Variants in SAMD4B observed in about 807,000 individuals in gnomAD.
SAMD4B encodes sterile alpha motif domain containing 4B, also known as protein Smaug homolog 2.
SAMD4B carries 5 observed loss-of-function variants against 74.5 expected under a neutral mutation model. That is an observed-to-expected ratio of 0.07 (90% CI 0.04 to 0.14). The LOEUF is 0.14. Ranked by LOEUF, SAMD4B falls within the 10% of genes least tolerant of loss-of-function variation. The probability of loss-of-function intolerance (pLI) is 1.00; values close to 1 mark genes in which losing one functional copy is unlikely to be tolerated. For missense variants in SAMD4B, 608 were observed against 921.8 expected (o/e 0.66, Z 4.41); for synonymous variants, 373 against 374.9 (o/e 1.00, Z 0.06).
chr19:39,390,075 TGGTCGAAGGGGTAGGTGATGAACTTGG>T, downstream of SAMD4B: 1 of 1,612,224 alleles, frequency 6.2e-7, no homozygotes, highest in Non-Finnish European at 8.5e-7. Flanking sequence ...TCACCTGTTC[TGGTCGAAGGGGTAGGTGATGAACTTGG>T]GGTCGAAGGG....
intron 6 of SAMD4B, 21 bp from the exon 7 acceptor site, chr19:39,376,684 C>T: frequency 1.2e-6 from 2 of 1,610,672 alleles, no homozygotes; most frequent in South Asian, 1.1e-5. Context: ...AGCTTCCTGT[C>T]CCCTTCTGCC....
chr19:39,390,718 T>C, the SAMD4B span: 1 of 1,282,342 alleles, frequency 7.8e-7, no homozygotes, highest in East Asian at 2.5e-5. Flanking sequence ...AGGTGAGCGC[T>C]TCATGACGTC....
At chr19:39,382,020 C>T (rs1219581638) in intron 12 of SAMD4B, among the ~76,000 whole-genome samples, 4 of 152,210 alleles carry the variant, frequency 2.6e-5, no homozygotes, top group Non-Finnish European at 5.9e-5. Flanking sequence ...GGGTTGACTC[C>T]TCCACACGGT....
At chr19:39,390,026 A>G (rs2078340013), downstream of SAMD4B, 1 of 1,492,366 alleles carries the variant, frequency 6.7e-7, no homozygotes, top group Non-Finnish European at 9.3e-7. Flanking sequence ...CCCTGCCTTC[A>G]AGGAACTCAT....
At chr19:39,390,385 G>T, downstream of SAMD4B, 1 of 1,160,000 alleles carries the variant, frequency 8.6e-7, no homozygotes, top group Non-Finnish European at 1.3e-6. Flanking sequence ...TAGGAGGGGT[G>T]ACAAATGCTG....
chr19:39,388,937 T>C (rs180871949), downstream of SAMD4B: 241 of 1,613,980 alleles, frequency 1.5e-4, 1 homozygote, highest in Admixed American at 4.0e-3. Context: ...CCTCCCACCT[T>C]GGGCCTGACC....
At chr19:39,344,404 C>T (rs1268281126) in intron 1 of SAMD4B, among the ~76,000 whole-genome samples, 1 of 152,118 alleles carries the variant, frequency 6.6e-6, no homozygotes, top group Non-Finnish European at 1.5e-5. Flanking sequence ...TGTCATCCCA[C>T]TCCAGGACCA....
At chr19:39,345,204 G>T (rs2075622537) in intron 1 of SAMD4B, among the ~76,000 whole-genome samples, 1 of 152,126 alleles carries the variant, frequency 6.6e-6, no homozygotes, top group Non-Finnish European at 1.5e-5. Context: ...CCTGAAAGAT[G>T]CCTCAGGGTA....
rs1481291021 is a variant in SAMD4B, at chr19:39,378,401, C to G, written c.1445-103C>G. The G allele has an allele frequency of 1.1e-5, 10 of 949,922 alleles. No homozygotes were observed. The highest frequency in any genetic ancestry group is 3.2e-5 in the African/African-American group (2 of 61,670). The allele number at this position is 949,922 out of a possible 1,614,324, so 58.8% of individuals were successfully genotyped here. ...CACTTAATAGTTGATATTCATCCAG[C>G]CTGAGTCTCCTGTTCCTTCTTGTGC... On this transcript the variant is annotated intron_variant, in intron 8 of 13. Coordinates refer to ENST00000610417, the MANE Select transcript of SAMD4B (RefSeq NM_001384574.2). This position sits in a 1 kb window ranked among gnomAD's most constrained non-coding sequence, Gnocchi z 4.4.
At chr19:39,349,370 A>G (rs1196061303) in intron 1 of SAMD4B, among the ~76,000 whole-genome samples, 1 of 152,094 alleles carries the variant, frequency 6.6e-6, no homozygotes, top group African/African-American at 2.4e-5. Context: ...GACATTTAGG[A>G]GTGGGAGGAA....
downstream of SAMD4B, chr19:39,387,016 C>T: frequency 1.7e-6 from 1 of 605,894 alleles, no homozygotes; most frequent in East Asian, 2.8e-5. Flanking sequence ...TTTGGTTGCC[C>T]TACACTGTGT....
downstream of SAMD4B, chr19:39,390,016 C>T: frequency 1.4e-6 from 2 of 1,424,048 alleles, no homozygotes; most frequent in Middle Eastern, 1.8e-4. Context: ...GACAAGCAGT[C>T]CCTGCCTTCA....
rs185001778 is a variant in SAMD4B at position 39,379,227 on chromosome 19, T to C, written c.1530+638T>C. Among the ~76,000 whole-genome samples the C allele has an allele frequency of 5.9e-5, 9 of 152,234 alleles. No individual in the cohort carries two copies. The East Asian group carries it at 1.7e-3, about 29-fold the overall frequency. On this transcript the variant is annotated intron_variant, in intron 9 of 13. Coordinates refer to ENST00000610417, the MANE Select transcript of SAMD4B (RefSeq NM_001384574.2). ...TTTATTGCCTAGGCTGATCTCGAAC[T>C]CCTGGCCTCAAGCGATCCCCTGCCC...
At chr19:39,351,691 T>G (rs1052939442) in intron 1 of SAMD4B, 4 of 152,162 alleles carry the variant, frequency 2.6e-5, no homozygotes, top group African/African-American at 9.7e-5. Context: ...TCTCTTGACT[T>G]TGCTGTCATC....
intron 1 of SAMD4B, among the ~76,000 whole-genome samples, chr19:39,352,764 G>T (rs555705842): frequency 5.3e-5 from 8 of 151,636 alleles, no homozygotes; most frequent in Admixed American, 2.0e-4. Context: ...GTGGGTGGAG[G>T]GGGGGAACAG....
rs2077608608 is a variant in SAMD4B, at chr19:39,376,553, C to T, written c.1017+7C>T. 1 of 1,609,390 alleles carries T rather than the reference C, an allele frequency of 6.2e-7. No individual in the cohort carries two copies. The highest frequency in any genetic ancestry group is 8.5e-7 in the Non-Finnish European group (1 of 1,176,526). ...GCAGCACCTGGAGTCTCAGGTGAAG[C>T]CAAGGGGACCATCAGGGAGGTGCTG... is the stretch of plus-strand genomic sequence containing the variant. On this transcript the variant is annotated splice_region_variant and intron_variant, in intron 6 of 13. Transcript: ENST00000610417.
chr19:39,365,257 A>G (rs1408217386), intron 3 of SAMD4B, among the ~76,000 whole-genome samples: 1 of 150,340 alleles, frequency 6.7e-6, no homozygotes, highest in Non-Finnish European at 1.5e-5. Context: ...AAAAAAAAAA[A>G]AAAAAGTTCC....
chr19:39,359,000 C>T (rs1366260410), intron 3 of SAMD4B, among the ~76,000 whole-genome samples: 3 of 152,228 alleles, frequency 2.0e-5, no homozygotes, highest in Non-Finnish European at 4.4e-5. Context: ...GTCACATCAG[C>T]TTAGTTCCTA....
rs2077751300 is a variant in SAMD4B, at chr19:39,378,658, C to T, written c.1530+69C>T. ...GCGTGGTGGTTCACGCCTGTAGTCC[C>T]AGCACTTCGGCCACCGAGGCGGGCG... is the stretch of plus-strand genomic sequence containing the variant. On this transcript the variant is annotated intron_variant, in intron 9 of 13. Coordinates refer to ENST00000610417, the MANE Select transcript of SAMD4B (RefSeq NM_001384574.2). The surrounding 1 kb of genome is among the most constrained non-coding windows in gnomAD (Gnocchi z 4.4). 7.2e-7 allele frequency: 1 copy of T among 1,390,540 alleles called. No individual in the cohort carries two copies. The highest frequency in any genetic ancestry group is 1.4e-5 in the African/African-American group (1 of 70,148). 86.1% of individuals were successfully genotyped at this position (1,390,540 alleles called of 1,614,324 possible).
Sources: allele counts gnomAD v4.1 joint callset (sites outside exome capture counted in the v4.1 genomes callset), GRCh38; gene constraint gnomAD v4.1.1; non-coding constraint Gnocchi (gnomAD v3.1); transcripts MANE v1.5; gene names NCBI Gene and HGNC (gene_info 2026-07-23, HGNC 2026-07-21).